The following MYH13 variants were observed in gnomAD, a reference collection of about 807,000 sequenced individuals.
MYH13 encodes myosin-13.
MYH13 carries 177 observed loss-of-function variants against 232.1 expected under a neutral mutation model. The observed-to-expected ratio is 0.76, with a 90% CI of 0.67 to 0.86. MYH13 has a LOEUF of 0.86. MYH13 is among the 40% of genes least tolerant of loss of function. The probability of loss-of-function intolerance (pLI) is 0.00; values close to 1 mark genes in which losing one functional copy is unlikely to be tolerated. For missense variants in MYH13, 2,246 were observed against 2,405.9 expected, an observed-to-expected ratio of 0.93 and a Z score of 1.39; for synonymous variants, 884 against 923.5, an observed-to-expected ratio of 0.96 and a Z score of 0.78.
chr17:10,322,313 G>T (rs564939063), intron 23 of MYH13, among the ~76,000 whole-genome samples: 1 of 152,082 alleles, frequency 6.6e-6, no homozygotes, highest in Non-Finnish European at 1.5e-5. Context: ...CAGGAGAATC[G>T]CTTGAAAACA....
At chr17:10,349,307 G>T (rs573179366) in intron 12 of MYH13, among the ~76,000 whole-genome samples, 17 of 152,034 alleles carry the variant, frequency 1.1e-4, no homozygotes, top group South Asian at 2.1e-4. Flanking sequence ...TACCATGTTG[G>T]CCAGACTGGT....
Position 10,315,762 on chromosome 17 carries a change from C to A in MYH13, c.3915G>T (p.Leu1305=), listed in dbSNP as rs765922077. 4.3e-6 allele frequency: 7 copies of A among 1,613,990 alleles called. No homozygotes were observed. In the East Asian group the frequency reaches 1.6e-4, roughly 36 times the overall value. The change falls in exon 29 of 41, where the codon CTG becomes CTT. Residue 1305 remains leucine (L), a synonymous_variant. Transcript: ENST00000252172. ...VEEKESLISQ[L]TKSKQALTQQ... ...GGGTGAGGGCCTGCTTGCTTTTGGT[C>A]AGCTGTGAAATCAGAGACTCCTTCT...
chr17:10,371,798 A>G (rs2071879679), intron 1 of MYH13, among the ~76,000 whole-genome samples: 1 of 152,136 alleles, frequency 6.6e-6, no homozygotes, highest in East Asian at 1.9e-4. Flanking sequence ...AAAGTTATAA[A>G]TTGTGGACAA....
chr17:10,312,097 A>G (rs1906527248), intron 31 of MYH13, 21 bp from the exon 32 acceptor site: 3 of 1,612,650 alleles, frequency 1.9e-6, no homozygotes, highest in South Asian at 1.1e-5. Context: ...ACAAAGGGAC[A>G]TGGGAGAAGC....
chr17:10,319,270 A>G, intron 26 of MYH13, 91 bp from the exon 27 acceptor site: 1 of 1,437,026 alleles, frequency 7.0e-7, no homozygotes, highest in South Asian at 1.4e-5. Context: ...GCGGGTAGGC[A>G]GCATGAGGTG....
rs550030286 is a variant in MYH13, at chr17:10,308,405, C to A, written c.5169+829G>T. Among the ~76,000 whole-genome samples the A allele has an allele frequency of 6.6e-5, 3 of 45,464 alleles. No individual in the cohort carries two copies. In the East Asian group the frequency reaches 2.0e-3, roughly 30 times the overall value. 29.8% of individuals were successfully genotyped at this position (45,464 alleles called of 152,430 possible). A position where few individuals can be genotyped will look rare whatever the true frequency, so the allele number is the denominator to read the frequency against. On this transcript the variant is annotated intron_variant, in intron 35 of 40. Coordinates refer to ENST00000252172, the MANE Select transcript of MYH13 (RefSeq NM_003802.3). Reference sequence around the variant, plus strand: ...AAGAGGTTGCAAAAGATTGCTCATACTTTGACTATATATATATGTATTTAT... The same window carrying A: ...AAGAGGTTGCAAAAGATTGCTCATAATTTGACTATATATATATGTATTTAT...
chr17:10,357,878 G>A (rs2071761075), intron 7 of MYH13, 51 bp from the exon 8 acceptor site: 1 of 1,533,724 alleles, frequency 6.5e-7, no homozygotes, highest in Non-Finnish European at 9.0e-7. Context: ...GTTTTCTAAA[G>A]TAGCCCCTTG....
intron 18 of MYH13, among the ~76,000 whole-genome samples, chr17:10,338,689 G>GTTTTTTTTTTTTTTTTT (rs757791680): frequency 1.4e-4 from 15 of 108,814 alleles, no homozygotes; most frequent in Non-Finnish European, 2.4e-4. Flanking sequence ...TTTTATCCTT[G>GTTTTTTTTTTTTTTTTT]TTTTTTTTTT....
intron 27 of MYH13, chr17:10,317,549 T>C (rs1227913308): frequency 6.6e-6 from 1 of 152,402 alleles, no homozygotes; most frequent in Non-Finnish European, 1.5e-5. Context: ...GCCTCGCTTC[T>C]AGGGTCACCA....
intron 16 of MYH13, among the ~76,000 whole-genome samples, chr17:10,341,697 C>T (rs8071613): frequency 0.4 from 61,354 of 152,000 alleles, 15,231 homozygotes; most frequent in Non-Finnish European, 0.57. Context: ...AAAGTCGCTT[C>T]CCCAAATCCG....
intron 18 of MYH13, among the ~76,000 whole-genome samples, chr17:10,336,142 T>C (rs2071573535): frequency 6.6e-6 from 1 of 152,106 alleles, no homozygotes; most frequent in Non-Finnish European, 1.5e-5. Flanking sequence ...ACGCCACTCT[T>C]CTCTCTCACA....
At position 10,309,803 on chromosome 17, in the gene MYH13, T is replaced by A; in HGVS notation, c.4684A>T (p.Ile1562Phe). The A allele has an allele frequency of 6.3e-7, 1 of 1,591,354 alleles. No individual in the cohort carries two copies. The change falls in exon 34 of 41, where the codon ATC becomes TTC. Residue 1562 changes from isoleucine to phenylalanine, a missense_variant. Transcript: ENST00000252172. Reference sequence around the variant, plus strand: ...CTCAGCTCTAGCTGCACGCGCAAGATCTTGCTCTCCTCGTGTTCCAAGGAA... The same window carrying A: ...CTCAGCTCTAGCTGCACGCGCAAGAACTTGCTCTCCTCGTGTTCCAAGGAA... Reference protein sequence around the residue: ...EGSLEHEESKILRVQLELSQV... With the variant: ...EGSLEHEESKFLRVQLELSQV...
At chr17:10,336,987 G>A (rs908470437) in intron 18 of MYH13, among the ~76,000 whole-genome samples, 1 of 151,050 alleles carries the variant, frequency 6.6e-6, no homozygotes, top group African/African-American at 2.4e-5. Context: ...GTGCAGTCTC[G>A]GCTCACTGCA....
At chr17:10,313,466 C>G in intron 29 of MYH13, 112 bp from the exon 30 acceptor site, 1 of 1,506,482 alleles carries the variant, frequency 6.6e-7, no homozygotes, top group Non-Finnish European at 8.9e-7. Flanking sequence ...GCTGTCTTCA[C>G]CAATTTTGCC....
At chr17:10,317,824 A>G (rs1219630992) in intron 27 of MYH13, 2 of 152,272 alleles carry the variant, frequency 1.3e-5, no homozygotes, top group Non-Finnish European at 2.9e-5. Context: ...TTTCTGGCAA[A>G]TGGCCCAAAG....
In MYH13 at chr17:10,362,084, G is replaced by T. The variant is rs1265643464; in HGVS notation, c.505+34C>A. On this transcript the variant is annotated intron_variant, in intron 5 of 40. Coordinates refer to ENST00000252172, the MANE Select transcript of MYH13 (RefSeq NM_003802.3). ...AAGCTTGAAAAATTAACTAAGGATG[G>T]CTTCAAAAAATATGAATCAAAGAAA... The T allele has an allele frequency of 4.3e-6, 7 of 1,613,124 alleles. No individual in the cohort carries two copies. The Admixed American group carries it at 5.0e-5, about 12-fold the overall frequency.
intron 2 of MYH13, among the ~76,000 whole-genome samples, chr17:10,368,507 C>G (rs1262253295): frequency 6.6e-6 from 1 of 152,154 alleles, no homozygotes; most frequent in East Asian, 1.9e-4. Flanking sequence ...GGTGGACTTC[C>G]CATTTCATCA....
rs1408362307 is a variant in MYH13 at position 10,311,150 on chromosome 17, C to T, written c.4609G>A (p.Val1537Met). The T allele has an allele frequency of 1.9e-6, 3 of 1,613,966 alleles. No individual in the cohort carries two copies. Among genetic ancestry groups the T allele is most frequent in the African/African-American group, 1.3e-5 (1 of 74,948 alleles). ...LQEAEKTKKL[V>M]EQEKSDLQVA... ...TGCAGATCTGACTTTTCCTGCTCCA[C>T]TAGCTTCTTGGTCTTTTCCGCTTCC... Residue 1537 changes from valine to methionine, a missense_variant, in exon 33 of 41, where the codon GTG becomes ATG. Val to Met is a conservative substitution (Grantham distance 21). Coordinates refer to ENST00000252172, the MANE Select transcript of MYH13 (RefSeq NM_003802.3).
intron 40 of MYH13, 95 bp from the exon 41 acceptor site, chr17:10,301,060 C>G (rs1906070931): frequency 8.8e-7 from 1 of 1,134,690 alleles, no homozygotes; most frequent in African/African-American, 1.6e-5. Flanking sequence ...AAATCTGGAA[C>G]TTCAGAGGAA....
Sources: allele counts gnomAD v4.1 joint callset (sites outside exome capture counted in the v4.1 genomes callset), GRCh38; gene constraint gnomAD v4.1.1; transcripts MANE v1.5; gene names NCBI Gene and HGNC (gene_info 2026-07-23, HGNC 2026-07-21).